The following FUT8 variants were observed in gnomAD, a reference collection of about 807,000 sequenced individuals.
FUT8 encodes alpha-(1,6)-fucosyltransferase.
FUT8 carries 29 observed loss-of-function variants against 71.3 expected under a neutral mutation model. The observed-to-expected ratio is 0.41, with a 90% CI of 0.30 to 0.55. The LOEUF is 0.55. FUT8 is among the 20% of genes least tolerant of loss of function. The pLI, the probability that FUT8 is intolerant of heterozygous loss-of-function variation, is 0.34. For missense variants in FUT8, 544 were observed against 702.1 expected (o/e 0.77, Z 2.55); for synonymous variants, 254 against 239.3 (o/e 1.06, Z -0.57).
chr14:65,682,321 G>T (rs935663727), intron 7 of FUT8, among the ~76,000 whole-genome samples: 1 of 152,172 alleles, frequency 6.6e-6, no homozygotes, highest in African/African-American at 2.4e-5. Flanking sequence ...CATCAACATA[G>T]TGAGACCTGG....
intron 7 of FUT8, among the ~76,000 whole-genome samples, chr14:65,716,250 T>C (rs1436014485): frequency 1.3e-5 from 2 of 152,198 alleles, no homozygotes; most frequent in Non-Finnish European, 2.9e-5. Context: ...TATTGGGGTC[T>C]ACCTCTCTCG....
intron 2 of FUT8, among the ~76,000 whole-genome samples, chr14:65,470,905 C>T (rs1176968856): frequency 1.3e-5 from 2 of 151,880 alleles, no homozygotes; most frequent in African/African-American, 2.4e-5. Context: ...GGGGTCTGTC[C>T]GCCTCTCCCT....
Position 65,724,266 on chromosome 14 carries a change from A to C in FUT8, c.1202A>C (p.Lys401Thr). 6.2e-7 allele frequency: 1 copy of C among 1,613,274 alleles called. No homozygotes were observed. The highest frequency in any genetic ancestry group is 8.5e-7 in the Non-Finnish European group (1 of 1,179,832). Residue 401 changes from lysine to threonine, a missense_variant, in exon 9 of 11, where the codon AAA becomes ACA. Physicochemically the swap from Lys to Thr is moderately conservative, Grantham distance 78. Coordinates refer to ENST00000673929, the MANE Select transcript of FUT8 (RefSeq NM_001371533.1). ...CTTGCACGCAGAATGCAAGTGGACA[A>C]AAAAAGAGTGTATTTGGCCACAGAT... ...QLLARRMQVDKKRVYLATDDP... is the reference protein window; with the variant it reads ...QLLARRMQVDTKRVYLATDDP...
chr14:65,435,794 C>CTTTTTTTTTTTT (rs58021056), intron 1 of FUT8, among the ~76,000 whole-genome samples: 1 of 128,990 alleles, frequency 7.8e-6, no homozygotes, highest in Non-Finnish European at 1.7e-5. Flanking sequence ...CTTTTTCTTT[C>CTTTTTTTTTTTT]TTTTTTTTTT....
the FUT8 span, among the ~76,000 whole-genome samples, chr14:65,386,568 C>A: frequency 7.7e-5 from 11 of 142,332 alleles, no homozygotes; most frequent in African/African-American, 2.8e-4. Context: ...TTTTTAATAT[C>A]TTTTCTTAAC....
chr14:65,486,094 T>A (rs988185032), intron 2 of FUT8, among the ~76,000 whole-genome samples: 1 of 152,234 alleles, frequency 6.6e-6, no homozygotes, highest in Non-Finnish European at 1.5e-5. Context: ...CATTATTTTC[T>A]GTAGTAAAAA....
At chr14:65,699,537 T>TG (rs1894179580) in intron 7 of FUT8, among the ~76,000 whole-genome samples, 1 of 152,202 alleles carries the variant, frequency 6.6e-6, no homozygotes, top group Non-Finnish European at 1.5e-5. Context: ...TGTAGACTGA[T>TG]GCTGATACCT....
chr14:65,484,092 G>A (rs944770506), intron 2 of FUT8, among the ~76,000 whole-genome samples: 1 of 152,106 alleles, frequency 6.6e-6, no homozygotes, highest in Non-Finnish European at 1.5e-5. Context: ...TTGTATAGTG[G>A]CATTGTATCC....
chr14:65,597,545 C>A (rs1426950513), intron 3 of FUT8, among the ~76,000 whole-genome samples: 2 of 151,794 alleles, frequency 1.3e-5, no homozygotes, highest in Non-Finnish European at 2.9e-5. Flanking sequence ...ATGGTGTGAA[C>A]CCGGGAGGCG....
chr14:65,520,446 A>C (rs906991119), intron 2 of FUT8, among the ~76,000 whole-genome samples: 11 of 152,132 alleles, frequency 7.2e-5, no homozygotes, highest in African/African-American at 2.7e-4. Context: ...CAATAGTCTT[A>C]GTTTTCACAG....
Position 65,638,105 on chromosome 14 carries a change from A to G in FUT8, c.597+8499A>G, listed in dbSNP as rs886301689. ...TGAGCAACACCCTGGCACAAGGTGA[A>G]GTTCGTAACCACATTTCTTCTGGTT... On this transcript the variant is annotated intron_variant, in intron 6 of 10. Transcript: ENST00000673929. The surrounding 1 kb of genome is among the most constrained non-coding windows in gnomAD (Gnocchi z 4.5). Among the ~76,000 whole-genome samples, 1 of 152,210 alleles carries G rather than the reference A, an allele frequency of 6.6e-6. No individual in the cohort carries two copies. The highest frequency in any genetic ancestry group is 2.4e-5 in the African/African-American group (1 of 41,450).
chr14:65,464,848 G>T (rs1275660082), intron 2 of FUT8, among the ~76,000 whole-genome samples: 1 of 152,192 alleles, frequency 6.6e-6, no homozygotes, highest in Non-Finnish European at 1.5e-5. Flanking sequence ...TGGCCTCTGA[G>T]AATGAGTTAG....
At chr14:65,724,950 G>A (rs963072672) in intron 9 of FUT8, among the ~76,000 whole-genome samples, 3 of 152,014 alleles carry the variant, frequency 2.0e-5, no homozygotes, top group Non-Finnish European at 2.9e-5. Context: ...ATCACATTGG[G>A]GTTAGGGATT....
the FUT8 span, among the ~76,000 whole-genome samples, chr14:65,357,676 T>C: frequency 6.6e-6 from 1 of 152,220 alleles, no homozygotes; most frequent in South Asian, 2.1e-4. Flanking sequence ...TGTCACTCAC[T>C]AGCTGCATAA....
chr14:65,377,636 C>T, the FUT8 span, among the ~76,000 whole-genome samples: 1 of 151,908 alleles, frequency 6.6e-6, no homozygotes, highest in Non-Finnish European at 1.5e-5. Context: ...TTTCTAATTC[C>T]TTGGTTTAAG....
intron 7 of FUT8, among the ~76,000 whole-genome samples, chr14:65,711,434 A>G (rs1464130650): frequency 6.6e-6 from 1 of 152,142 alleles, no homozygotes; most frequent in Non-Finnish European, 1.5e-5. Flanking sequence ...GCTTTTACTT[A>G]CAGGAAGCTG....
intron 1 of FUT8, among the ~76,000 whole-genome samples, chr14:65,437,728 A>G (rs1056517201): frequency 1.3e-5 from 2 of 152,202 alleles, no homozygotes; most frequent in African/African-American, 4.8e-5. Flanking sequence ...ACCCATAGTG[A>G]TTACAATAAA....
rs764789704 is a variant in FUT8, at chr14:65,616,409, GA to G, written c.482+40del. On this transcript the variant is annotated intron_variant, in intron 5 of 10. Transcript: ENST00000673929. Reference sequence around the variant, plus strand: ...CCTTTCACATTTTATTTGGGCTTTAGAAAAGATTATAATCTAAGAATGAGAA... The same window carrying G: ...CCTTTCACATTTTATTTGGGCTTTAGAAAGATTATAATCTAAGAATGAGAA... The G allele has an allele frequency of 4.0e-6, 6 of 1,490,910 alleles. No homozygotes were observed. The African/African-American group carries it at 8.4e-5, about 21-fold the overall frequency. The allele number at this position is 1,490,910 out of a possible 1,614,324, so 92.4% of individuals were successfully genotyped here.
chr14:65,384,365 C>T, the FUT8 span, among the ~76,000 whole-genome samples: 7 of 152,166 alleles, frequency 4.6e-5, no homozygotes, highest in African/African-American at 1.7e-4. The surrounding 1 kb of genome is among the most constrained non-coding windows in gnomAD (Gnocchi z 4.2). Context: ...CCTCCTGCTT[C>T]AGCCTCCCAA....
Sources: allele counts gnomAD v4.1 joint callset (sites outside exome capture counted in the v4.1 genomes callset), GRCh38; gene constraint gnomAD v4.1.1; non-coding constraint Gnocchi (gnomAD v3.1); transcripts MANE v1.5; gene names NCBI Gene and HGNC (gene_info 2026-07-23, HGNC 2026-07-21).